The following CDH13 variants were observed in gnomAD, a reference collection of about 807,000 sequenced individuals.
CDH13 encodes the protein cadherin 13.
Under a neutral mutation model 63.8 loss-of-function variants are expected in CDH13, and 24 were observed. That is an observed-to-expected ratio of 0.38 (90% CI 0.27 to 0.53). The LOEUF is 0.53. Among genes scored for constraint, CDH13 ranks in the 20% least tolerant of loss-of-function variants. The probability of loss-of-function intolerance (pLI) is 0.85; values close to 1 mark genes in which losing one functional copy is unlikely to be tolerated. For synonymous variants in CDH13, 503 were observed against 355.3 expected, an observed-to-expected ratio of 1.42 and a Z score of -4.67; for missense variants, 1,049 against 903.1, an observed-to-expected ratio of 1.16 and a Z score of -2.07.
intron 10 of CDH13, among the ~76,000 whole-genome samples, chr16:83,706,779 C>T (rs1001541118): frequency 3.9e-5 from 6 of 152,174 alleles, no homozygotes; most frequent in Non-Finnish European, 8.8e-5. Flanking sequence ...GCTGCTTCAG[C>T]GATCTAGGTT....
intron 3 of CDH13, among the ~76,000 whole-genome samples, chr16:83,089,745 G>T (rs779335502): frequency 1.3e-5 from 2 of 152,198 alleles, no homozygotes; most frequent in African/African-American, 4.8e-5. Context: ...AGGGCTACAC[G>T]TCGGAAATGG....
At chr16:83,477,535 C>T (rs952323705) in intron 6 of CDH13, among the ~76,000 whole-genome samples, 10 of 152,102 alleles carry the variant, frequency 6.6e-5, no homozygotes, top group Non-Finnish European at 1.2e-4. Flanking sequence ...ATCTCGTGCC[C>T]GTTTAGTCAG....
At chr16:83,362,903 G>T (rs554425805) in intron 6 of CDH13, among the ~76,000 whole-genome samples, 1 of 152,342 alleles carries the variant, frequency 6.6e-6, no homozygotes, top group South Asian at 2.1e-4. Context: ...AAAAACTGTG[G>T]TGGGGTTTCA....
At chr16:82,962,358 G>A (rs1907148535) in intron 2 of CDH13, among the ~76,000 whole-genome samples, 1 of 152,186 alleles carries the variant, frequency 6.6e-6, no homozygotes, top group African/African-American at 2.4e-5. Flanking sequence ...AAAAAAGCGT[G>A]GCCCTGCTGA....
intron 5 of CDH13, among the ~76,000 whole-genome samples, chr16:83,245,744 A>T (rs192203852): frequency 1.3e-5 from 2 of 152,044 alleles, no homozygotes; most frequent in African/African-American, 4.8e-5. Flanking sequence ...ATTTTAGTTT[A>T]TTTTTATTTT....
At chr16:83,739,408 G>C (rs967158178) in intron 10 of CDH13, among the ~76,000 whole-genome samples, 2 of 152,196 alleles carry the variant, frequency 1.3e-5, no homozygotes, top group Non-Finnish European at 2.9e-5. Flanking sequence ...GGTTTCCCCA[G>C]GATGTTGCCC....
chr16:83,102,109 A>G lies in CDH13; in HGVS notation c.367-23276A>G, dbSNP rs143919783. The stretch of plus-strand genomic sequence containing the variant: ...TGCTACGCTCCTGGCTTTGAAGATG[A>G]AGGAAGGGTCCATGAGCCAAGGAAT... On this transcript the variant is annotated intron_variant, in intron 3 of 13. Transcript: ENST00000567109. 3.6e-3 allele frequency among the ~76,000 whole-genome samples: 554 copies of G among 152,282 alleles called. 6 individuals carry two copies. Among genetic ancestry groups the G allele is most frequent in the African/African-American group, 0.013 (524 of 41,554 alleles).
intron 7 of CDH13, among the ~76,000 whole-genome samples, chr16:83,533,295 G>T (rs953643787): frequency 6.6e-6 from 1 of 152,172 alleles, no homozygotes; most frequent in African/African-American, 2.4e-5. Flanking sequence ...TCTCAACTCA[G>T]CGTGACTCGC....
At chr16:83,375,986 C>T (rs1056682586) in intron 6 of CDH13, among the ~76,000 whole-genome samples, 1 of 152,106 alleles carries the variant, frequency 6.6e-6, no homozygotes, top group Non-Finnish European at 1.5e-5. Flanking sequence ...AAAATTGCAT[C>T]AGCTCATTTA....
intron 4 of CDH13, among the ~76,000 whole-genome samples, chr16:83,200,099 T>G (rs80020709): frequency 0.018 from 2,680 of 152,224 alleles, 40 homozygotes; most frequent in Middle Eastern, 0.051. Flanking sequence ...GCTGATACGC[T>G]TGTTCAGGGC....
At chr16:82,728,313 A>C (rs923623274) in intron 1 of CDH13, among the ~76,000 whole-genome samples, 1 of 152,054 alleles carries the variant, frequency 6.6e-6, no homozygotes, top group Non-Finnish European at 1.5e-5. Context: ...TGTTCAGTTT[A>C]CCCTTATGGG....
At chr16:83,088,586 A>C (rs1348257081) in intron 3 of CDH13, among the ~76,000 whole-genome samples, 1 of 152,212 alleles carries the variant, frequency 6.6e-6, no homozygotes, top group African/African-American at 2.4e-5. Context: ...CCCCTGTCCT[A>C]TAAAGTAAAG....
At chr16:83,495,541 A>C (rs897306814) in intron 7 of CDH13, among the ~76,000 whole-genome samples, 3 of 152,212 alleles carry the variant, frequency 2.0e-5, no homozygotes, top group Admixed American at 6.5e-5. Flanking sequence ...AGAAAAAGGC[A>C]TGAGAAGGGG....
chr16:82,649,798 C>T (rs1177482590), intron 1 of CDH13, among the ~76,000 whole-genome samples: 2 of 152,230 alleles, frequency 1.3e-5, no homozygotes, highest in East Asian at 1.9e-4. Context: ...TGAGTCTCAA[C>T]TCCGCTGCCC....
intron 6 of CDH13, chr16:83,383,109 C>G (rs1426164638): frequency 6.6e-6 from 1 of 152,212 alleles, no homozygotes; most frequent in Non-Finnish European, 1.5e-5. Flanking sequence ...ATCGTCCCAA[C>G]AGTTTGGAAG....
chr16:83,272,370 CTGTG>C (rs2088851280), intron 5 of CDH13, among the ~76,000 whole-genome samples: 1 of 152,218 alleles, frequency 6.6e-6, no homozygotes, highest in African/African-American at 2.4e-5. Context: ...TAATGTGAGA[CTGTG>C]AACCAGGAGG....
intron 1 of CDH13, among the ~76,000 whole-genome samples, chr16:82,729,614 G>T (rs1157001213): frequency 6.6e-6 from 1 of 152,070 alleles, no homozygotes; most frequent in Non-Finnish European, 1.5e-5. Context: ...AATTTAGGAT[G>T]ATTATTTAGG....
chr16:83,125,228 A>G (rs149127068), intron 3 of CDH13, among the ~76,000 whole-genome samples, 157 bp from the exon 4 acceptor site: 35 of 152,354 alleles, frequency 2.3e-4, no homozygotes, highest in African/African-American at 7.5e-4. Context: ...GTATTATTCT[A>G]GTAATGTACT....
chr16:82,800,146 A>C (rs2036781310), intron 1 of CDH13, among the ~76,000 whole-genome samples: 1 of 152,156 alleles, frequency 6.6e-6, no homozygotes, highest in African/African-American at 2.4e-5. Context: ...GCATTTTTTT[A>C]AAGGTTACTT....
Sources: allele counts gnomAD v4.1 joint callset (sites outside exome capture counted in the v4.1 genomes callset), GRCh38; gene constraint gnomAD v4.1.1; transcripts MANE v1.5; gene names NCBI Gene and HGNC (gene_info 2026-07-23, HGNC 2026-07-21).